The following MYL2 variants were observed in gnomAD, a reference collection of about 807,000 sequenced individuals.
The protein encoded by MYL2 is myosin light chain 2.
Under a neutral mutation model 23.0 loss-of-function variants are expected in MYL2, and 19 were observed. The observed-to-expected ratio is 0.83, with a 90% CI of 0.58 to 1.21. The LOEUF (loss-of-function observed/expected upper bound fraction) is 1.21, where lower values mean the gene tolerates loss of function less well. MYL2 is among the 50% of genes most tolerant of loss of function. The pLI, the probability that MYL2 is intolerant of heterozygous loss-of-function variation, is 0.00. For synonymous variants in MYL2, 78 were observed against 76.2 expected (o/e 1.02, Z -0.13); for missense variants, 180 against 215.1 (o/e 0.84, Z 1.02).
upstream of MYL2, chr12:110,920,867 A>C (rs1592803465): frequency 4.2e-6 from 2 of 479,142 alleles, no homozygotes; most frequent in East Asian, 7.4e-5. Flanking sequence ...TTTTGAGAAA[A>C]AAAATGGCAG....
upstream of MYL2, among the ~76,000 whole-genome samples, chr12:110,920,919 T>C (rs2071720672): frequency 1.3e-5 from 2 of 152,248 alleles, no homozygotes; most frequent in South Asian, 4.1e-4. Flanking sequence ...TCAGCCTGGA[T>C]CTGGCCTCAG....
At position 110,915,758 on chromosome 12, in the gene MYL2, G is replaced by T; in HGVS notation, c.126C>A (p.Gly42=). Residue 42 remains glycine, a synonymous_variant, in exon 3 of 7, where the codon GGC becomes GGA. Coordinates refer to ENST00000228841, the MANE Select transcript of MYL2 (RefSeq NM_000432.4). ...AFTIMDQNRD[G]FIDKNDLRDT... ...CTCTCAGATCGTTCTTGTCAATGAA[G>T]CCATCCCTGTTCTGGTCCATGATAG... 1 of 1,614,186 alleles carries T rather than the reference G, an allele frequency of 6.2e-7. No homozygotes were observed. The highest frequency in any genetic ancestry group is 8.5e-7 in the Non-Finnish European group (1 of 1,180,006).
chr12:110,915,757 A>G lies in MYL2; in HGVS notation c.127T>C (p.Phe43Leu). The change falls in exon 3 of 7, where the codon TTC becomes CTC. Residue 43 changes from phenylalanine (F) to leucine (L), a missense_variant. Phe to Leu is a conservative substitution (Grantham distance 22, BLOSUM62 0). Coordinates refer to ENST00000228841, the MANE Select transcript of MYL2 (RefSeq NM_000432.4). ...FTIMDQNRDG[F>L]IDKNDLRDTF... ...TCTCTCAGATCGTTCTTGTCAATGA[A>G]GCCATCCCTGTTCTGGTCCATGATA... The G allele has an allele frequency of 6.2e-7, 1 of 1,614,162 alleles. No individual in the cohort carries two copies. Among genetic ancestry groups the G allele is most frequent in the Non-Finnish European group, 8.5e-7 (1 of 1,180,006 alleles).
At chr12:110,914,069 T>C in intron 4 of MYL2, 117 bp downstream of exon 4, 1 of 852,880 alleles carries the variant, frequency 1.2e-6, no homozygotes, top group Non-Finnish European at 2.0e-6. Context: ...AGTTGCTGTT[T>C]TCATTATTTT....
chr12:110,912,411 G>A (rs2071659160), intron 6 of MYL2, among the ~76,000 whole-genome samples: 1 of 152,226 alleles, frequency 6.6e-6, no homozygotes, highest in African/African-American at 2.4e-5. Flanking sequence ...ATTGTTCAGT[G>A]CACAACTCAC....
intron 2 of MYL2, among the ~76,000 whole-genome samples, chr12:110,917,522 G>A (rs11065774): frequency 0.045 from 5,529 of 124,188 alleles, 335 homozygotes; most frequent in African/African-American, 0.15. Context: ...CAAACAAACA[G>A]ACCAAATGGG....
chr12:110,920,308 ATT>A (rs3216816), intron 1 of MYL2, among the ~76,000 whole-genome samples: 1 of 151,712 alleles, frequency 6.6e-6, no homozygotes, highest in South Asian at 2.1e-4. Context: ...CAACTCTCTT[ATT>A]TTGTGTTTGT....
At chr12:110,913,211 G>T (rs765282313) in intron 5 of MYL2, 35 bp downstream of exon 5, 15 of 1,602,092 alleles carry the variant, frequency 9.4e-6, no homozygotes, top group Non-Finnish European at 1.3e-5. Context: ...GGGGCAAGCA[G>T]GGAACCCCCT....
At chr12:110,920,453 G>C in intron 1 of MYL2, 74 bp downstream of exon 1, 1 of 1,609,916 alleles carries the variant, frequency 6.2e-7, no homozygotes, top group Non-Finnish European at 8.5e-7. Context: ...CCCCTCCGCC[G>C]TGGTCCCTCG....
chr12:110,916,629 G>A (rs1057041223), intron 2 of MYL2, among the ~76,000 whole-genome samples: 1 of 152,178 alleles, frequency 6.6e-6, no homozygotes, highest in African/African-American at 2.4e-5. Context: ...CATGGAGACA[G>A]AAAATGGATT....
intron 2 of MYL2, among the ~76,000 whole-genome samples, chr12:110,917,170 T>C (rs540212769): frequency 1.3e-5 from 2 of 152,214 alleles, no homozygotes; most frequent in South Asian, 2.1e-4. Context: ...TGTAAAACAC[T>C]TGGGCATTTA....
rs1025994995 is a variant in MYL2 at position 110,918,482 on chromosome 12, C to T, written c.93+622G>A. Among the ~76,000 whole-genome samples, 7 of 152,070 alleles carry T rather than the reference C, an allele frequency of 4.6e-5. No individual in the cohort carries two copies. Among genetic ancestry groups the T allele is most frequent in the Non-Finnish European group, 7.4e-5 (5 of 68,024 alleles). ...AGTGCTGTGATTTTGGGGGGCAATT[C>T]GGACCAGCAGTTCTGCCTGTTTTTA... On this transcript the variant is annotated intron_variant, in intron 2 of 6. Coordinates refer to ENST00000228841, the MANE Select transcript of MYL2 (RefSeq NM_000432.4). This position sits in a 1 kb window ranked among gnomAD's most constrained non-coding sequence, Gnocchi z 4.4.
At chr12:110,915,304 C>T (rs945479498) in intron 3 of MYL2, among the ~76,000 whole-genome samples, 2 of 152,018 alleles carry the variant, frequency 1.3e-5, no homozygotes, top group African/African-American at 4.8e-5. Flanking sequence ...AAGATAAATT[C>T]GAAAGAGAAT....
chr12:110,915,617 A>G (rs530836674), intron 3 of MYL2, 98 bp downstream of exon 3: 12 of 1,262,212 alleles, frequency 9.5e-6, no homozygotes, highest in East Asian at 2.3e-5. Flanking sequence ...TTCTTTGGGA[A>G]ATGACACCAT....
At chr12:110,913,380 C>T in intron 4 of MYL2, 56 bp from the exon 5 acceptor site, 2 of 1,596,724 alleles carry the variant, frequency 1.3e-6, no homozygotes, top group Non-Finnish European at 8.6e-7. Flanking sequence ...CCACTGGCAC[C>T]CCAGGCAGCA....
At chr12:110,913,385 G>A in intron 4 of MYL2, 61 bp from the exon 5 acceptor site, 2 of 1,574,930 alleles carry the variant, frequency 1.3e-6, no homozygotes, top group East Asian at 4.5e-5. Flanking sequence ...GGCACCCCAG[G>A]CAGCAGGGCC....
At chr12:110,917,614 C>T (rs1021971212) in intron 2 of MYL2, among the ~76,000 whole-genome samples, 1 of 152,134 alleles carries the variant, frequency 6.6e-6, no homozygotes, top group African/African-American at 2.4e-5. Flanking sequence ...GGAAAAGAGG[C>T]GGGTGTAGCT....
At chr12:110,920,723 A>C (rs964078015), upstream of MYL2, 72 of 754,536 alleles carry the variant, frequency 9.5e-5, no homozygotes, top group Non-Finnish European at 1.5e-4. Context: ...AGGGTGGCTC[A>C]CTCGCCACTG....
intron 3 of MYL2, among the ~76,000 whole-genome samples, chr12:110,915,320 CAAT>C (rs2071681581): frequency 6.6e-6 from 1 of 152,054 alleles, no homozygotes; most frequent in South Asian, 2.1e-4. Flanking sequence ...AGAATGATTC[CAAT>C]AATTTAAAAA....
Sources: gnomAD v4.1 joint callset for allele counts (sites outside exome capture counted in the v4.1 genomes callset) on GRCh38, gnomAD v4.1.1 for gene constraint, Gnocchi (gnomAD v3.1) non-coding constraint, MANE v1.5 for transcripts, NCBI Gene and HGNC (gene_info 2026-07-23, HGNC 2026-07-21) for gene names.